Variants in DCDC1 observed in about 807,000 individuals in gnomAD.
DCDC1 encodes the protein doublecortin domain-containing protein 1.
Under a neutral mutation model 178.3 loss-of-function variants are expected in DCDC1, and 200 were observed. The observed-to-expected ratio is 1.12, with a 90% confidence interval of 1.00 to 1.26. The LOEUF (loss-of-function observed/expected upper bound fraction) is 1.26. DCDC1 is among the 50% of genes most tolerant of loss of function. The pLI is 0.00. For missense variants in DCDC1, 1,983 were observed against 1,749.2 expected (o/e 1.13, Z -2.38); for synonymous variants, 690 against 604.8 (o/e 1.14, Z -2.07).
intron 9 of DCDC1, among the ~76,000 whole-genome samples, chr11:31,225,297 C>T (rs1283037905): frequency 6.7e-6 from 1 of 148,542 alleles, no homozygotes; most frequent in Non-Finnish European, 1.5e-5. Context: ...TTTACATTCC[C>T]ACTTATAAGT....
chr11:31,319,379 C>T (rs1591748974), intron 3 of DCDC1, among the ~76,000 whole-genome samples: 1 of 64,664 alleles, frequency 1.5e-5, no homozygotes, highest in Admixed American at 1.6e-4. Context: ...TAGTTAGCTC[C>T]TCTTGTTGAG....
chr11:31,091,179 A>G (rs1314636025), intron 17 of DCDC1, among the ~76,000 whole-genome samples: 1 of 152,214 alleles, frequency 6.6e-6, no homozygotes, highest in Non-Finnish European at 1.5e-5. Flanking sequence ...GAAGGCCAAC[A>G]TTTCACCTTT....
At chr11:31,367,648 A>T (rs1952029407) in intron 1 of DCDC1, among the ~76,000 whole-genome samples, 1 of 152,196 alleles carries the variant, frequency 6.6e-6, no homozygotes, top group Admixed American at 6.5e-5. Context: ...TGCTAGTTCA[A>T]ATTGAGGTGT....
chr11:31,274,675 A>G (rs1945843826), intron 7 of DCDC1, among the ~76,000 whole-genome samples: 1 of 150,826 alleles, frequency 6.6e-6, no homozygotes, highest in Non-Finnish European at 1.5e-5. Flanking sequence ...CACACATTTA[A>G]TGATATGATC....
chr11:31,127,396 A>G (rs714593), intron 11 of DCDC1, 73 bp downstream of exon 11: 23,046 of 616,830 alleles, frequency 0.037, 2,594 homozygotes, highest in African/African-American at 0.28. Flanking sequence ...TGGCATTGTT[A>G]TAAGTGTTTT....
At chr11:31,337,132 T>C (rs1382525270) in intron 1 of DCDC1, among the ~76,000 whole-genome samples, 2 of 152,214 alleles carry the variant, frequency 1.3e-5, no homozygotes, top group Non-Finnish European at 2.9e-5. Flanking sequence ...TTGAAGTAAA[T>C]TGCTTTCAAA....
intron 1 of DCDC1, among the ~76,000 whole-genome samples, chr11:31,368,484 C>T (rs1952084140): frequency 6.6e-6 from 1 of 152,056 alleles, no homozygotes; most frequent in Admixed American, 6.6e-5. Flanking sequence ...TTCATGAGGC[C>T]ACACAAGAAA....
chr11:31,005,325 T>C (rs1003229483), intron 20 of DCDC1, among the ~76,000 whole-genome samples: 4 of 152,146 alleles, frequency 2.6e-5, no homozygotes, highest in African/African-American at 7.2e-5. Flanking sequence ...CACAATCCCA[T>C]TGCAGCCCAG....
At chr11:31,292,056 A>C (rs1322946921) in intron 6 of DCDC1, among the ~76,000 whole-genome samples, 1 of 152,082 alleles carries the variant, frequency 6.6e-6, no homozygotes, top group East Asian at 1.9e-4. Context: ...ACACATACAC[A>C]CATATAAAAA....
At chr11:31,010,651 C>T (rs1240604589) in intron 20 of DCDC1, among the ~76,000 whole-genome samples, 1 of 152,098 alleles carries the variant, frequency 6.6e-6, no homozygotes, top group Non-Finnish European at 1.5e-5. Flanking sequence ...AGAAGGTGAC[C>T]TCATTAAAGG....
In DCDC1 at chr11:31,140,240, T is replaced by C. The variant is rs141220396; in HGVS notation, c.1222-2456A>G. 5.5e-4 allele frequency among the ~76,000 whole-genome samples: 84 copies of C among 152,342 alleles called. 2 individuals carry two copies. The East Asian group carries it at 0.01, about 19-fold the overall frequency. ...AATAACTTTTTGTCAATGGGTTTGA[T>C]ATTTCTGAGGTTGATTTTTCATGTG... On this transcript the variant is annotated intron_variant, in intron 9 of 38. Coordinates refer to ENST00000684477, the MANE Select transcript of DCDC1 (RefSeq NM_001387274.1).
intron 21 of DCDC1, among the ~76,000 whole-genome samples, chr11:30,936,391 G>A (rs1390294168): frequency 1.3e-5 from 2 of 152,104 alleles, no homozygotes; most frequent in African/African-American, 4.8e-5. Flanking sequence ...TATGCTTTTT[G>A]AGAGTTTGAT....
At chr11:31,241,280 T>C (rs1378711908) in intron 9 of DCDC1, among the ~76,000 whole-genome samples, 170 bp downstream of exon 9, 2 of 152,004 alleles carry the variant, frequency 1.3e-5, no homozygotes, top group East Asian at 1.9e-4. Context: ...AGCTCCATTA[T>C]TGTTGGCTTT....
At chr11:31,344,608 T>C (rs1950722830) in intron 1 of DCDC1, among the ~76,000 whole-genome samples, 1 of 152,340 alleles carries the variant, frequency 6.6e-6, no homozygotes, top group Non-Finnish European at 1.5e-5. Flanking sequence ...GTTTGGCACA[T>C]AGTAGGCACC....
At chr11:31,250,415 C>CACACACACAT (rs1223526182) in intron 8 of DCDC1, among the ~76,000 whole-genome samples, 3 of 73,670 alleles carry the variant, frequency 4.1e-5, no homozygotes, top group Non-Finnish European at 5.7e-5. Context: ...CACACACACA[C>CACACACACAT]ATATACATAT....
chr11:31,022,510 G>A lies in DCDC1; in HGVS notation c.2591+41959C>T, dbSNP rs146713183. Among the ~76,000 whole-genome samples the A allele has an allele frequency of 4.1e-3, 626 of 151,980 alleles. 1 individual carries two copies. The highest frequency in any genetic ancestry group is 6.6e-3 in the Non-Finnish European group (448 of 67,956). ...TTATAACTTCAACATATCTTTTGGG[G>A]ATACAATTCAACCCATGAGACCTTC... is the stretch of plus-strand genomic sequence containing the variant. On this transcript the variant is annotated intron_variant, in intron 20 of 38. Transcript: ENST00000684477.
At chr11:30,894,124 T>C (rs924525598) in intron 35 of DCDC1, 124 bp downstream of exon 35, 2 of 1,304,346 alleles carry the variant, frequency 1.5e-6, no homozygotes, top group Non-Finnish European at 2.0e-6. Context: ...CATATGCTTA[T>C]ATGGTCATAA....
At chr11:31,030,412 C>T (rs921221638) in intron 20 of DCDC1, among the ~76,000 whole-genome samples, 8 of 150,136 alleles carry the variant, frequency 5.3e-5, no homozygotes, top group South Asian at 2.1e-4. Context: ...GAGCTATTAG[C>T]GTGTGGGGGT....
intron 7 of DCDC1, among the ~76,000 whole-genome samples, chr11:31,267,732 G>A (rs934036188): frequency 6.6e-6 from 1 of 152,102 alleles, no homozygotes; most frequent in Non-Finnish European, 1.5e-5. Flanking sequence ...TAAAGATGCT[G>A]GGAAAGCAAT....
Sources: allele counts gnomAD v4.1 joint callset (sites outside exome capture counted in the v4.1 genomes callset), GRCh38; gene constraint gnomAD v4.1.1; transcripts MANE v1.5; gene names NCBI Gene and HGNC (gene_info 2026-07-23, HGNC 2026-07-21).